Variants in RANBP9 observed in about 807,000 individuals in gnomAD.
The protein encoded by RANBP9 is RAN binding protein 9.
Under a neutral mutation model 84.3 loss-of-function variants are expected in RANBP9, and 15 were observed. The observed-to-expected ratio is 0.18, with a 90% CI of 0.12 to 0.27. RANBP9 has a LOEUF of 0.27. RANBP9 is among the 10% of genes least tolerant of loss of function. The pLI is 1.00. For synonymous variants in RANBP9, 392 were observed against 349.6 expected (o/e 1.12, Z -1.35); for missense variants, 809 against 912.8 (o/e 0.89, Z 1.46).
intron 2 of RANBP9, among the ~76,000 whole-genome samples, chr6:13,680,518 A>G (rs1412603865): frequency 6.6e-6 from 1 of 152,168 alleles, no homozygotes; most frequent in Non-Finnish European, 1.5e-5. Flanking sequence ...TGGGAAGATC[A>G]TCACTTGAGC....
At chr6:13,675,969 T>C (rs1490744990) in intron 2 of RANBP9, among the ~76,000 whole-genome samples, 1 of 152,060 alleles carries the variant, frequency 6.6e-6, no homozygotes, top group African/African-American at 2.4e-5. Context: ...TATGCCTCTA[T>C]AGATTAAAAA....
chr6:13,693,725 T>C (rs1312129465), intron 2 of RANBP9, among the ~76,000 whole-genome samples: 2 of 151,796 alleles, frequency 1.3e-5, no homozygotes, highest in East Asian at 3.9e-4. Context: ...GAGAAAAAAA[T>C]GTATATATGA....
Position 13,621,604 on chromosome 6 carries a change from T to C in RANBP9, c.*758A>G, listed in dbSNP as rs1190317789. On this transcript the variant is annotated 3_prime_UTR_variant, in exon 14 of 14. Coordinates refer to ENST00000011619, the MANE Select transcript of RANBP9 (RefSeq NM_005493.3). ...AATGGAAGGTGTACAAAGATTAAATTAAGACACGGTAAATTGACTAAATAT... is the reference window on the plus strand; with the variant it reads ...AATGGAAGGTGTACAAAGATTAAATCAAGACACGGTAAATTGACTAAATAT... 6.6e-6 allele frequency: 1 copy of C among 152,626 alleles called. No individual in the cohort carries two copies. The highest frequency in any genetic ancestry group is 2.4e-5 in the African/African-American group (1 of 41,446). The allele number at this position is 152,626 out of a possible 1,614,324, so 9.5% of individuals were successfully genotyped here.
At chr6:13,693,397 A>C (rs1316956846) in intron 2 of RANBP9, among the ~76,000 whole-genome samples, 1 of 152,214 alleles carries the variant, frequency 6.6e-6, no homozygotes, top group East Asian at 1.9e-4. Flanking sequence ...TTTAAAAAAA[A>C]ATGACAATAC....
At chr6:13,651,990 TC>T in intron 5 of RANBP9, among the ~76,000 whole-genome samples, 1 of 151,958 alleles carries the variant, frequency 6.6e-6, no homozygotes. Flanking sequence ...TTCTCTAACC[TC>T]CCTCTGCCTG....
intron 5 of RANBP9, among the ~76,000 whole-genome samples, chr6:13,648,380 C>G (rs994687691): frequency 6.6e-6 from 1 of 151,734 alleles, no homozygotes; most frequent in Admixed American, 6.6e-5. Flanking sequence ...TCTCTTGATC[C>G]GCCCGCCTTG....
chr6:13,679,002 A>T (rs1324496848), intron 2 of RANBP9, among the ~76,000 whole-genome samples: 1 of 152,168 alleles, frequency 6.6e-6, no homozygotes, highest in Non-Finnish European at 1.5e-5. Context: ...ACTTAAAACT[A>T]AAGTAACAGA....
chr6:13,695,401 G>T (rs201707954), intron 2 of RANBP9, among the ~76,000 whole-genome samples: 6,209 of 84,338 alleles, frequency 0.074, 188 homozygotes, highest in Non-Finnish European at 0.093. Context: ...CCAACCAAAT[G>T]TTTTTTTTTT....
At chr6:13,664,086 C>T (rs922943693) in intron 2 of RANBP9, among the ~76,000 whole-genome samples, 1 of 152,046 alleles carries the variant, frequency 6.6e-6, no homozygotes, top group Non-Finnish European at 1.5e-5. Context: ...ATAAAGCTGG[C>T]TCTATGTACA....
At position 13,711,698 on chromosome 6, in the gene RANBP9, C is replaced by G. The variant is rs1278322581; in HGVS notation, c.-193G>C. 9.0e-6 allele frequency: 3 copies of G among 333,734 alleles called. No homozygotes were observed. Among genetic ancestry groups the G allele is most frequent in the Non-Finnish European group, 1.0e-5 (2 of 199,034 alleles). The allele number at this position is 333,734 out of a possible 1,614,324, so 20.7% of individuals were successfully genotyped here. A position where few individuals can be genotyped will look rare whatever the true frequency, so the allele number is the denominator to read the frequency against. On this transcript the variant is annotated 5_prime_UTR_variant, in exon 1 of 14. Transcript: ENST00000011619. The stretch of plus-strand genomic sequence containing the variant: ...GAGACGCGGGAGTAGGCGGCGGGCC[C>G]GGGAGGCCGGGAGAGAACGTTGGCC...
At chr6:13,651,389 G>T (rs533206845) in intron 5 of RANBP9, among the ~76,000 whole-genome samples, 29 of 113,812 alleles carry the variant, frequency 2.5e-4, no homozygotes, top group Admixed American at 4.7e-4. Flanking sequence ...TGTTGTTGTT[G>T]TTTTGTTTTT....
chr6:13,680,216 C>A (rs1765999206), intron 2 of RANBP9, among the ~76,000 whole-genome samples: 1 of 152,044 alleles, frequency 6.6e-6, no homozygotes, highest in South Asian at 2.1e-4. Flanking sequence ...CCCTAAAAAA[C>A]AAACCCATGT....
intron 2 of RANBP9, among the ~76,000 whole-genome samples, chr6:13,690,009 C>G (rs1046149241): frequency 1.3e-5 from 2 of 152,140 alleles, no homozygotes; most frequent in African/African-American, 4.8e-5. Context: ...ATGTAGTAGG[C>G]TATACCATCT....
rs749801771 is a variant in RANBP9 at position 13,696,759 on chromosome 6, G to A, written c.683+26C>T. On this transcript the variant is annotated intron_variant, in intron 2 of 13. Transcript: ENST00000011619. The stretch of plus-strand genomic sequence containing the variant: ...AACCAAAACAAAAAAACTAGCAAAC[G>A]ATTTTTCTCACCAAAATTTACTTAC... 1.4e-5 allele frequency: 21 copies of A among 1,554,386 alleles called. No individual in the cohort carries two copies. In the Middle Eastern group the frequency reaches 5.1e-4, roughly 38 times the overall value.
chr6:13,622,616 C>T, intron 13 of RANBP9, 124 bp from the exon 14 acceptor site: 2 of 1,058,744 alleles, frequency 1.9e-6, no homozygotes, highest in South Asian at 2.4e-5. Flanking sequence ...GAAATATCAG[C>T]AAATGAAGGT....
intron 12 of RANBP9, among the ~76,000 whole-genome samples, chr6:13,628,597 T>C (rs1186901034): frequency 1.3e-5 from 2 of 152,226 alleles, no homozygotes; most frequent in African/African-American, 4.8e-5. Flanking sequence ...AGAGTGAAGC[T>C]GTAAGCAACA....
intron 9 of RANBP9, among the ~76,000 whole-genome samples, 184 bp downstream of exon 9, chr6:13,639,379 C>A (rs1765010882): frequency 6.6e-6 from 1 of 152,122 alleles, no homozygotes. Flanking sequence ...GGGTTATCAC[C>A]ATGTTGGCCA....
intron 11 of RANBP9, among the ~76,000 whole-genome samples, chr6:13,633,547 A>G (rs1206468333): frequency 6.6e-6 from 1 of 152,206 alleles, no homozygotes; most frequent in African/African-American, 2.4e-5. Flanking sequence ...GACACAGAGC[A>G]GTTAAGTAAT....
Position 13,644,567 on chromosome 6 carries a change from C to T in RANBP9, c.1090G>A (p.Glu364Lys). 1 of 1,612,694 alleles carries T rather than the reference C, an allele frequency of 6.2e-7. No homozygotes were observed. The highest frequency in any genetic ancestry group is 8.5e-7 in the Non-Finnish European group (1 of 1,179,476). Reference protein sequence around the residue: ...DRFPIGDREGEWQTMIQKMVS... With the variant: ...DRFPIGDREGKWQTMIQKMVS... ...TACTTTTGTATCATGGTCTGCCATTCTCCTTCTCGATCTCCGATAGGAAAT... is the reference window on the plus strand; with the variant it reads ...TACTTTTGTATCATGGTCTGCCATTTTCCTTCTCGATCTCCGATAGGAAAT... Residue 364 changes from glutamate to lysine, a missense_variant, in exon 6 of 14, where the codon GAA becomes AAA. Glu to Lys is a moderately conservative substitution (Grantham distance 56, BLOSUM62 1). Coordinates refer to ENST00000011619, the MANE Select transcript of RANBP9 (RefSeq NM_005493.3).
Sources: allele counts gnomAD v4.1 joint callset (sites outside exome capture counted in the v4.1 genomes callset), GRCh38; gene constraint gnomAD v4.1.1; transcripts MANE v1.5; gene names NCBI Gene and HGNC (gene_info 2026-07-23, HGNC 2026-07-21).